The following WBP2NL variants were observed in gnomAD, a reference collection of about 807,000 sequenced individuals.
The protein encoded by WBP2NL is postacrosomal sheath WW domain-binding protein.
A neutral mutation model predicts 23.3 loss-of-function variants in WBP2NL; 27 were observed. The observed-to-expected ratio is 1.16, with a 90% CI of 0.85 to 1.60. The LOEUF (loss-of-function observed/expected upper bound fraction) is 1.60. WBP2NL is among the 40% of genes most tolerant of loss of function. The pLI is 0.00. For synonymous variants in WBP2NL, 151 were observed against 145.9 expected (o/e 1.03, Z -0.25); for missense variants, 370 against 389.5 (o/e 0.95, Z 0.42).
chr22:42,001,346 T>C (rs1921653907), intron 1 of WBP2NL: 1 of 696,306 alleles, frequency 1.4e-6, no homozygotes, highest in East Asian at 2.5e-5. Context: ...ATGTGAGTGT[T>C]CTTGGGATCC....
chr22:42,022,164 A>G, intron 4 of WBP2NL, 85 bp from the exon 5 acceptor site: 2 of 1,100,968 alleles, frequency 1.8e-6, no homozygotes, highest in Non-Finnish European at 2.8e-6. Flanking sequence ...TGGTGATTAA[A>G]TACTCTGTTA....
intron 8 of WBP2NL, among the ~76,000 whole-genome samples, chr22:42,057,865 GTATGTA>G: frequency 1.7e-5 from 1 of 59,646 alleles, no homozygotes; most frequent in Non-Finnish European, 2.8e-5. Flanking sequence ...ATGTGTGTGT[GTATGTA>G]TATATATATA....
Position 42,019,367 on chromosome 22 carries a change from C to G in WBP2NL, c.119C>G (p.Ser40Ter). ...ELSFPQRSEG[S>*]NVFSGRKTGT... is the part of the protein sequence containing the mutation. ...TCCTTCCCACAGCGATCAGAAGGCT[C>G]AAATGTCTTTAGTGGTAGAAAGACA... Residue 40 changes from serine to a stop codon, truncating the protein, a stop_gained, in exon 2 of 6, where the codon TCA becomes TGA. Coordinates refer to ENST00000328823, the MANE Select transcript of WBP2NL (RefSeq NM_152613.3). LOFTEE classifies it high-confidence loss of function. 1 of 1,614,188 alleles carries G rather than the reference C, an allele frequency of 6.2e-7. No individual in the cohort carries two copies. Among genetic ancestry groups the G allele is most frequent in the South Asian group, 1.1e-5 (1 of 91,084 alleles).
At chr22:42,051,082 C>G (rs1327693951) in intron 8 of WBP2NL, among the ~76,000 whole-genome samples, 2 of 152,162 alleles carry the variant, frequency 1.3e-5, no homozygotes, top group Non-Finnish European at 2.9e-5. Flanking sequence ...AACCTGGAAG[C>G]AACAAAGATG....
At chr22:42,012,523 T>C (rs564263330) in intron 1 of WBP2NL, among the ~76,000 whole-genome samples, 53 of 152,340 alleles carry the variant, frequency 3.5e-4, no homozygotes, top group Admixed American at 3.1e-3. Context: ...CCTTGTGCTG[T>C]TGATTTCTAG....
intron 1 of WBP2NL, chr22:42,001,879 C>T (rs1171079090): frequency 8.1e-6 from 12 of 1,487,506 alleles, no homozygotes; most frequent in East Asian, 2.3e-5. Context: ...TTGACCCGCT[C>T]GATGGGTGCT....
intron 8 of WBP2NL, among the ~76,000 whole-genome samples, chr22:42,055,041 C>A (rs1370669923): frequency 6.6e-6 from 1 of 151,962 alleles, no homozygotes; most frequent in Non-Finnish European, 1.5e-5. Flanking sequence ...CTTTTTCTTT[C>A]TTTTCTTTTT....
At chr22:42,043,127 T>A (rs763038793) in intron 8 of WBP2NL, among the ~76,000 whole-genome samples, 1 of 151,706 alleles carries the variant, frequency 6.6e-6, no homozygotes, top group Non-Finnish European at 1.5e-5. Flanking sequence ...GTGGGCAGCA[T>A]GCTGCAGTGT....
chr22:42,048,592 T>C (rs1925690654), intron 8 of WBP2NL, among the ~76,000 whole-genome samples: 1 of 151,174 alleles, frequency 6.6e-6, no homozygotes. Context: ...TTGTCTCTAC[T>C]AAAAATACAA....
intron 1 of WBP2NL, among the ~76,000 whole-genome samples, chr22:42,018,101 A>G (rs995726404): frequency 1.5e-4 from 23 of 150,984 alleles, no homozygotes; most frequent in African/African-American, 5.6e-4. Context: ...GTGAGCCGAG[A>G]TCGAGCCATT....
At chr22:42,011,458 G>A (rs1366809941) in intron 1 of WBP2NL, among the ~76,000 whole-genome samples, 2 of 151,942 alleles carry the variant, frequency 1.3e-5, no homozygotes, top group African/African-American at 2.4e-5. Context: ...TTTTCAAGTT[G>A]CCTAGGCTGG....
Position 42,026,955 on chromosome 22 carries a change from C to A in WBP2NL, c.704C>A (p.Pro235His). Reference sequence around the variant, plus strand: ...CCACCTGCAGGATATGGAGCCCCACCTCTAGGATATGGAGCCCCACCTCTT... The same window carrying A: ...CCACCTGCAGGATATGGAGCCCCACATCTAGGATATGGAGCCCCACCTCTT... ...GAPPAGYGAP[P>H]LGYGAPPLGY... Residue 235 changes from proline to histidine, a missense_variant, in exon 6 of 6, where the codon CCT becomes CAT. Coordinates refer to ENST00000328823, the MANE Select transcript of WBP2NL (RefSeq NM_152613.3). The A allele has an allele frequency of 6.2e-7, 1 of 1,612,894 alleles. No individual in the cohort carries two copies. Among genetic ancestry groups the A allele is most frequent in the Non-Finnish European group, 8.5e-7 (1 of 1,179,562 alleles).
At chr22:42,038,831 T>G (rs1282643899) in intron 8 of WBP2NL, among the ~76,000 whole-genome samples, 1 of 152,186 alleles carries the variant, frequency 6.6e-6, no homozygotes, top group Admixed American at 6.5e-5. Flanking sequence ...CTCGATCTCC[T>G]GACCTCAGGT....
intron 8 of WBP2NL, among the ~76,000 whole-genome samples, chr22:42,046,322 T>G (rs912269116): frequency 6.6e-6 from 1 of 152,204 alleles, no homozygotes; most frequent in Non-Finnish European, 1.5e-5. Context: ...TGCTATTATT[T>G]GGTCCTAAGT....
chr22:42,016,012 G>A (rs1023053644), intron 1 of WBP2NL, among the ~76,000 whole-genome samples: 12 of 150,210 alleles, frequency 8.0e-5, no homozygotes, highest in Admixed American at 2.0e-4. Flanking sequence ...ATGAAATTTC[G>A]CTCTTGTTCC....
intron 8 of WBP2NL, among the ~76,000 whole-genome samples, chr22:42,051,033 C>T (rs1288592877): frequency 1.3e-5 from 2 of 152,204 alleles, no homozygotes; most frequent in African/African-American, 2.4e-5. Flanking sequence ...CAAAAATCTG[C>T]ACTCAAATAT....
At chr22:42,031,483 C>G (rs185392888), downstream of WBP2NL, 3 of 152,268 alleles carry the variant, frequency 2.0e-5, no homozygotes, top group Admixed American at 1.3e-4. Flanking sequence ...ACTCTGTTGT[C>G]TACTCTTTCA....
rs184750979 is a variant in WBP2NL at position 42,008,601 on chromosome 22, A to G, written c.62+9721A>G. Among the ~76,000 whole-genome samples the G allele has an allele frequency of 2.6e-5, 4 of 152,024 alleles. No individual in the cohort carries two copies. In the East Asian group the frequency reaches 5.8e-4, roughly 22 times the overall value. ...ATTTCTCTGATGATTAGTAATGACA[A>G]TCTTTTTATATGCTCATTGGCCATT... is the stretch of plus-strand genomic sequence containing the variant. On this transcript the variant is annotated intron_variant, in intron 1 of 5. Transcript: ENST00000328823.
intron 8 of WBP2NL, among the ~76,000 whole-genome samples, chr22:42,053,952 T>A (rs1414680005): frequency 1.3e-5 from 2 of 152,098 alleles, no homozygotes; most frequent in Admixed American, 1.3e-4. Flanking sequence ...TCTTTTAACT[T>A]TGTTTATTTT....
Sources: allele counts gnomAD v4.1 joint callset (sites outside exome capture counted in the v4.1 genomes callset), GRCh38; gene constraint gnomAD v4.1.1; transcripts MANE v1.5; gene names NCBI Gene and HGNC (gene_info 2026-07-23, HGNC 2026-07-21).